Variants in UVRAG observed in about 807,000 individuals in gnomAD.
UVRAG encodes the protein UV radiation resistance-associated gene protein.
Under a neutral mutation model 78.0 loss-of-function variants are expected in UVRAG, and 19 were observed. That is an observed-to-expected ratio of 0.24 (90% CI 0.17 to 0.36). The LOEUF (loss-of-function observed/expected upper bound fraction) is 0.36, where lower values mean the gene tolerates loss of function less well. Ranked by LOEUF, UVRAG falls within the 10% of genes least tolerant of loss-of-function variation. The pLI is 1.00. For missense variants in UVRAG, 740 were observed against 853.8 expected (o/e 0.87, Z 1.66); for synonymous variants, 323 against 324.6 (o/e 1.00, Z 0.05).
In UVRAG at chr11:75,826,760, A is replaced by C. The variant is rs137873763; in HGVS notation, c.117+11236A>C. Among the ~76,000 whole-genome samples the C allele has an allele frequency of 4.6e-3, 693 of 151,172 alleles. 3 individuals are homozygous for C. The highest frequency in any genetic ancestry group is 0.015 in the African/African-American group (633 of 41,164). The stretch of plus-strand genomic sequence containing the variant: ...TGTTCTCTGCCTCTTTAAGTTTCTG[A>C]AAGAGTAACCATCTGGTTTTTTGAT... On this transcript the variant is annotated intron_variant, in intron 1 of 14. Coordinates refer to ENST00000356136, the MANE Select transcript of UVRAG (RefSeq NM_003369.4).
In UVRAG at chr11:76,140,752, G is replaced by A. The variant is rs138770482; in HGVS notation, c.1439G>A (p.Arg480Lys). 3.7e-5 allele frequency: 59 copies of A among 1,609,766 alleles called. No homozygotes were observed. Among genetic ancestry groups the A allele is most frequent in the Non-Finnish European group, 4.6e-5 (54 of 1,178,564 alleles). Residue 480 changes from arginine to lysine, a missense_variant, in exon 15 of 15, where the codon AGA becomes AAA. Physicochemically the swap from Arg to Lys is conservative, Grantham distance 26. Coordinates refer to ENST00000356136, the MANE Select transcript of UVRAG (RefSeq NM_003369.4). Reference protein sequence around the residue: ...HTSSAIPVPKRQSSIFGGADV... With the variant: ...HTSSAIPVPKKQSSIFGGADV... ...TCCAGTGCAATCCCTGTTCCTAAGA[G>A]ACAAAGCTCCATATTTGGGGGTGCA...
At chr11:75,905,918 T>C (rs1947604845) in intron 5 of UVRAG, among the ~76,000 whole-genome samples, 1 of 152,144 alleles carries the variant, frequency 6.6e-6, no homozygotes, top group Non-Finnish European at 1.5e-5. Flanking sequence ...ACCAATACAT[T>C]CCTAATAGCA....
intron 14 of UVRAG, among the ~76,000 whole-genome samples, chr11:76,126,173 C>T (rs1952387818): frequency 6.6e-6 from 1 of 152,050 alleles, no homozygotes; most frequent in African/African-American, 2.4e-5. Context: ...GATCTCCTGA[C>T]CTCGTGATCC....
chr11:75,967,909 A>G (rs900143772), intron 7 of UVRAG, among the ~76,000 whole-genome samples: 1 of 152,192 alleles, frequency 6.6e-6, no homozygotes. Context: ...GACTCTGTAA[A>G]GATGTCAGGA....
chr11:75,872,489 A>T (rs1300058684), intron 3 of UVRAG, among the ~76,000 whole-genome samples: 2 of 151,736 alleles, frequency 1.3e-5, no homozygotes, highest in Admixed American at 1.3e-4. Flanking sequence ...CCCAGGTTCA[A>T]GCGATTCTCC....
At chr11:75,904,353 G>T (rs534548576) in intron 5 of UVRAG, among the ~76,000 whole-genome samples, 1 of 152,162 alleles carries the variant, frequency 6.6e-6, no homozygotes, top group Non-Finnish European at 1.5e-5. Context: ...ATCTCTTCTG[G>T]GCTCTTTGGC....
intron 4 of UVRAG, 70 bp downstream of exon 4, chr11:75,880,110 C>T: frequency 6.5e-7 from 1 of 1,549,946 alleles, no homozygotes; most frequent in African/African-American, 1.4e-5. Context: ...TCTGTTGATT[C>T]TTCTGATTCT....
intron 11 of UVRAG, chr11:76,012,849 T>TG (rs1950079294): frequency 8.6e-6 from 1 of 116,928 alleles, no homozygotes; most frequent in Non-Finnish European, 1.8e-5. Flanking sequence ...GTGTGTGTGT[T>TG]TAAGTAATCC....
chr11:75,983,359 A>G, intron 7 of UVRAG, 28 bp from the exon 8 acceptor site: 1 of 1,543,650 alleles, frequency 6.5e-7, no homozygotes, highest in East Asian at 2.3e-5. Context: ...TTATATTCAT[A>G]AATATACCTG....
At chr11:75,877,520 C>T in intron 3 of UVRAG, among the ~76,000 whole-genome samples, 1 of 144,528 alleles carries the variant, frequency 6.9e-6, no homozygotes, top group East Asian at 2.1e-4. Context: ...TGACCCCCCC[C>T]ACCTCCCTCC....
At chr11:75,830,672 G>A (rs1027421736) in intron 1 of UVRAG, among the ~76,000 whole-genome samples, 2 of 152,196 alleles carry the variant, frequency 1.3e-5, no homozygotes, top group Non-Finnish European at 2.9e-5. Context: ...CTAGTCCTCA[G>A]GTTCTTAAGC....
chr11:76,011,876 A>G (rs1451626010), intron 11 of UVRAG, among the ~76,000 whole-genome samples: 4 of 152,224 alleles, frequency 2.6e-5, no homozygotes, highest in South Asian at 2.1e-4. Flanking sequence ...TAGCAGGTAC[A>G]TGGTACTCAA....
intron 12 of UVRAG, among the ~76,000 whole-genome samples, chr11:76,038,107 C>A (rs1950572346): frequency 6.6e-6 from 1 of 151,866 alleles, no homozygotes; most frequent in African/African-American, 2.4e-5. Context: ...CTTACATCTC[C>A]CACTTAAAAA....
At chr11:75,832,677 C>T (rs899422828) in intron 1 of UVRAG, among the ~76,000 whole-genome samples, 1 of 152,190 alleles carries the variant, frequency 6.6e-6, no homozygotes, top group African/African-American at 2.4e-5. Flanking sequence ...ACACAATCTC[C>T]AGCCTGTCTC....
chr11:75,989,849 A>G (rs951614478), intron 8 of UVRAG, among the ~76,000 whole-genome samples: 1 of 152,228 alleles, frequency 6.6e-6, no homozygotes, highest in African/African-American at 2.4e-5. Context: ...TCAGTGCCCA[A>G]CACTGAGGCC....
intron 5 of UVRAG, chr11:75,911,219 G>T: frequency 6.2e-6 from 1 of 160,158 alleles, no homozygotes; most frequent in Non-Finnish European, 1.4e-5. Context: ...GGCTTCCTGG[G>T]AATCCAGTGG....
At chr11:76,012,015 G>A (rs1353413699) in intron 11 of UVRAG, among the ~76,000 whole-genome samples, 3 of 152,014 alleles carry the variant, frequency 2.0e-5, no homozygotes, top group African/African-American at 7.3e-5. Flanking sequence ...TTTTAGGCTG[G>A]GTGAGTAGAA....
intron 6 of UVRAG, among the ~76,000 whole-genome samples, chr11:75,934,377 A>G (rs1357496881): frequency 6.6e-6 from 1 of 152,128 alleles, no homozygotes; most frequent in Non-Finnish European, 1.5e-5. Flanking sequence ...GTGGGGAGGA[A>G]GTGAGGATGG....
At chr11:75,940,492 A>G (rs533446446) in intron 6 of UVRAG, among the ~76,000 whole-genome samples, 1 of 152,278 alleles carries the variant, frequency 6.6e-6, no homozygotes, top group Admixed American at 6.5e-5. Flanking sequence ...AGCCCAGATT[A>G]ATTTTAATGA....
Sources: gnomAD v4.1 joint callset for allele counts (sites outside exome capture counted in the v4.1 genomes callset) on GRCh38, gnomAD v4.1.1 for gene constraint, MANE v1.5 for transcripts, NCBI Gene and HGNC (gene_info 2026-07-23, HGNC 2026-07-21) for gene names.